Variants in SPTSSA observed in about 807,000 individuals in gnomAD.
SPTSSA encodes the protein small subunit of serine palmitoyltransferase A.
In SPTSSA, 8 loss-of-function variants were observed where a neutral mutation model predicts 9.1. That is an observed-to-expected ratio of 0.88 (90% CI 0.51 to 1.58). The LOEUF (loss-of-function observed/expected upper bound fraction) is 1.58, where lower values mean the gene tolerates loss of function less well. Ranked by LOEUF, SPTSSA falls within the 40% of genes most tolerant of loss-of-function variation. The probability of loss-of-function intolerance (pLI) is 0.00; values close to 1 mark genes in which losing one functional copy is unlikely to be tolerated. For missense variants in SPTSSA, 100 were observed against 93.8 expected (o/e 1.07, Z -0.27); for synonymous variants, 42 against 37.7 (o/e 1.11, Z -0.41).
chr14:34,462,220 A>G lies in SPTSSA; in HGVS notation c.-13T>C. The G allele has an allele frequency of 1.3e-6, 2 of 1,514,876 alleles. No individual in the cohort carries two copies. The highest frequency in any genetic ancestry group is 1.8e-6 in the Non-Finnish European group (2 of 1,123,236). The allele number at this position is 1,514,876 out of a possible 1,614,324, so 93.8% of individuals were successfully genotyped here. ...CCATCCCCGCCATGCGCCTCCCGCG[A>G]TGCAGCTCACACGTCAGTCTGTCCG... On this transcript the variant is annotated 5_prime_UTR_variant, in exon 1 of 2. Transcript: ENST00000298130.
intron 1 of SPTSSA, among the ~76,000 whole-genome samples, chr14:34,439,014 T>C (rs1018540419): frequency 1.3e-5 from 2 of 152,212 alleles, no homozygotes; most frequent in African/African-American, 4.8e-5. Context: ...ACAGGGATTC[T>C]TGTGCAAGCT....
At chr14:34,441,357 G>A (rs948827746) in intron 1 of SPTSSA, among the ~76,000 whole-genome samples, 1 of 152,158 alleles carries the variant, frequency 6.6e-6, no homozygotes. Flanking sequence ...ATACCCCAAG[G>A]AACCAATGGA....
At chr14:34,448,870 C>T (rs949655011) in intron 1 of SPTSSA, among the ~76,000 whole-genome samples, 6 of 151,554 alleles carry the variant, frequency 4.0e-5, no homozygotes, top group Admixed American at 1.3e-4. Context: ...CATGGTGGCA[C>T]GCACCTGTAG....
rs766368753 is a variant in SPTSSA at position 34,444,530 on chromosome 14, G to A, written c.113-9226C>T. Among the ~76,000 whole-genome samples the A allele has an allele frequency of 7.0e-4, 106 of 151,966 alleles. 1 individual carries two copies. The highest frequency in any genetic ancestry group is 3.2e-3 in the Middle Eastern group (1 of 316). The stretch of plus-strand genomic sequence containing the variant: ...GCACTTTGGGAGGCCGACGTGGGTG[G>A]ATCCCGAGGTCAACAGTTCAAGACC... On this transcript the variant is annotated intron_variant, in intron 1 of 1. Coordinates refer to ENST00000298130, the MANE Select transcript of SPTSSA (RefSeq NM_138288.4).
At chr14:34,456,968 TTATTAC>T (rs1878495769) in intron 1 of SPTSSA, among the ~76,000 whole-genome samples, 2 of 148,100 alleles carry the variant, frequency 1.4e-5, no homozygotes, top group African/African-American at 4.9e-5. Context: ...ATTATTATTA[TTATTAC>T]TATTATTATT....
intron 1 of SPTSSA, among the ~76,000 whole-genome samples, chr14:34,442,953 GGGGTGT>G (rs879885892): frequency 0.011 from 1,246 of 108,556 alleles, 15 homozygotes; most frequent in African/African-American, 0.046. Flanking sequence ...CATGTCTAGG[GGGGTGT>G]GTGTGTGTGT....
In SPTSSA at chr14:34,434,573, A is replaced by G. The variant is rs1883209196; in HGVS notation, c.*628T>C. ...AAAAGGTGAAATGTTCCTTATTTTA[A>G]CTTTAGCAAGATCTTTTCTTTTTCA... On this transcript the variant is annotated 3_prime_UTR_variant, in exon 2 of 2. Coordinates refer to ENST00000298130, the MANE Select transcript of SPTSSA (RefSeq NM_138288.4). 6.6e-6 allele frequency: 1 copy of G among 152,668 alleles called. No individual in the cohort carries two copies. The highest frequency in any genetic ancestry group is 1.5e-5 in the Non-Finnish European group (1 of 68,042). The allele number at this position is 152,668 out of a possible 1,614,324, so 9.5% of individuals were successfully genotyped here.
At chr14:34,443,197 GGGTGTGTGTGT>G (rs149143543) in intron 1 of SPTSSA, among the ~76,000 whole-genome samples, 5,369 of 17,840 alleles carry the variant, frequency 0.3, 1,276 homozygotes, top group Non-Finnish European at 0.34. Flanking sequence ...TTCCTCTAGG[GGGTGTGTGTGT>G]GTGTGTGTGT....
intron 1 of SPTSSA, among the ~76,000 whole-genome samples, chr14:34,459,506 C>T (rs993306180): frequency 3.3e-5 from 5 of 151,032 alleles, no homozygotes; most frequent in African/African-American, 4.9e-5. Flanking sequence ...TCTGGCCAGG[C>T]GTGGTAGCTC....
intron 1 of SPTSSA, among the ~76,000 whole-genome samples, chr14:34,435,714 C>T (rs1386693126): frequency 6.8e-6 from 1 of 146,036 alleles, no homozygotes; most frequent in African/African-American, 2.5e-5. Context: ...ACTGCAACCT[C>T]TGCCTTCTGG....
chr14:34,459,908 A>AT (rs749240163), intron 1 of SPTSSA, among the ~76,000 whole-genome samples: 9 of 152,248 alleles, frequency 5.9e-5, no homozygotes, highest in Non-Finnish European at 1.2e-4. Flanking sequence ...AGGATTGATG[A>AT]TTAAGTTGAA....
chr14:34,455,205 G>A (rs1050449165), intron 1 of SPTSSA, among the ~76,000 whole-genome samples: 8 of 151,544 alleles, frequency 5.3e-5, no homozygotes, highest in African/African-American at 1.5e-4. Flanking sequence ...GGCTAACATG[G>A]TGAAACCCCA....
At chr14:34,443,134 G>GGGGTGTGTGTGTGTGT (rs1159531948) in intron 1 of SPTSSA, among the ~76,000 whole-genome samples, 2 of 36,978 alleles carry the variant, frequency 5.4e-5, no homozygotes, top group Admixed American at 3.1e-4. Context: ...TGCTTCTAGG[G>GGGGTGTGTGTGTGTGT]GTGTGTGTGT....
chr14:34,455,084 C>A (rs1268269130), intron 1 of SPTSSA, among the ~76,000 whole-genome samples: 1 of 149,990 alleles, frequency 6.7e-6, no homozygotes, highest in African/African-American at 2.5e-5. Flanking sequence ...AAGACTCCAT[C>A]TTGAGAAAAA....
In SPTSSA at chr14:34,435,076, T is replaced by C; in HGVS notation, c.*125A>G. ...ATGATTTTCCTGTTCTACTCATGAA[T>C]TTTAGTCTTTATAAGGTTGGTTATG... On this transcript the variant is annotated 3_prime_UTR_variant, in exon 2 of 2. Coordinates refer to ENST00000298130, the MANE Select transcript of SPTSSA (RefSeq NM_138288.4). The C allele has an allele frequency of 1.7e-6, 1 of 581,778 alleles. No homozygotes were observed. Among genetic ancestry groups the C allele is most frequent in the Non-Finnish European group, 3.0e-6 (1 of 334,256 alleles). The allele number at this position is 581,778 out of a possible 1,614,324, so 36.0% of individuals were successfully genotyped here. A position where few individuals can be genotyped will look rare whatever the true frequency, so the allele number is the denominator to read the frequency against.
At chr14:34,438,094 C>T (rs748053955) in intron 1 of SPTSSA, among the ~76,000 whole-genome samples, 6 of 152,076 alleles carry the variant, frequency 3.9e-5, no homozygotes, top group Non-Finnish European at 5.9e-5. Flanking sequence ...TGAGCCACCA[C>T]GCCGAGCTGG....
intron 1 of SPTSSA, among the ~76,000 whole-genome samples, chr14:34,449,495 C>A (rs1002799305): frequency 2.7e-5 from 4 of 146,196 alleles, no homozygotes; most frequent in African/African-American, 1.1e-4. Context: ...CCACTGCACC[C>A]GGCCTCCCTT....
chr14:34,445,119 A>T (rs1171340387), intron 1 of SPTSSA, among the ~76,000 whole-genome samples: 1 of 152,082 alleles, frequency 6.6e-6, no homozygotes, highest in Admixed American at 6.6e-5. Context: ...ACTACTAAAA[A>T]CAGTTTTACA....
intron 1 of SPTSSA, among the ~76,000 whole-genome samples, chr14:34,460,278 T>C (rs1291934304): frequency 2.0e-5 from 3 of 152,188 alleles, no homozygotes; most frequent in East Asian, 1.9e-4. Context: ...TGAAATAAGA[T>C]TTTTTTATCT....
Sources: gnomAD v4.1 joint callset for allele counts (sites outside exome capture counted in the v4.1 genomes callset) on GRCh38, gnomAD v4.1.1 for gene constraint, MANE v1.5 for transcripts, NCBI Gene and HGNC (gene_info 2026-07-23, HGNC 2026-07-21) for gene names.